Variants in GRM3 observed in about 807,000 individuals in gnomAD.
GRM3 encodes the protein glutamate metabotropic receptor 3.
A neutral mutation model predicts 70.5 loss-of-function variants in GRM3; 26 were observed. The observed-to-expected ratio is 0.37, with a 90% CI of 0.27 to 0.51. The LOEUF (loss-of-function observed/expected upper bound fraction) is 0.51. GRM3 is among the 20% of genes least tolerant of loss of function. The pLI, the probability that GRM3 is intolerant of heterozygous loss-of-function variation, is 0.93. For missense variants in GRM3, 859 were observed against 1,123.8 expected, an observed-to-expected ratio of 0.76 and a Z score of 3.37; for synonymous variants, 443 against 434.9, an observed-to-expected ratio of 1.02 and a Z score of -0.23.
intron 3 of GRM3, among the ~76,000 whole-genome samples, chr7:86,812,205 A>G (rs1322810316): frequency 2.0e-5 from 3 of 151,832 alleles, no homozygotes; most frequent in Non-Finnish European, 4.4e-5. Flanking sequence ...GAAAATACAT[A>G]TGACTATCAG....
At chr7:86,778,484 G>A (rs189470537) in intron 2 of GRM3, among the ~76,000 whole-genome samples, 24 of 152,220 alleles carry the variant, frequency 1.6e-4, no homozygotes, top group Admixed American at 7.2e-4. Flanking sequence ...AGCATAGAAG[G>A]CACAAAGCTC....
intron 3 of GRM3, among the ~76,000 whole-genome samples, chr7:86,828,579 G>T (rs1286648500): frequency 6.6e-6 from 1 of 152,148 alleles, no homozygotes; most frequent in Non-Finnish European, 1.5e-5. Flanking sequence ...TAAAAACAAT[G>T]TATATACCTT....
At chr7:86,742,462 GAC>G (rs564615373) in intron 1 of GRM3, among the ~76,000 whole-genome samples, 12 of 152,234 alleles carry the variant, frequency 7.9e-5, no homozygotes, top group Admixed American at 7.9e-4. Context: ...TTCTCTTGAA[GAC>G]AGAGTGAAAA....
chr7:86,709,373 C>G (rs1187955884), intron 1 of GRM3, among the ~76,000 whole-genome samples: 1 of 152,102 alleles, frequency 6.6e-6, no homozygotes, highest in African/African-American at 2.4e-5. Flanking sequence ...CCTCAGCCAG[C>G]TAATCACTCA....
chr7:86,687,762 C>T (rs1191968960), intron 1 of GRM3, among the ~76,000 whole-genome samples: 4 of 151,574 alleles, frequency 2.6e-5, no homozygotes, highest in African/African-American at 4.8e-5. Flanking sequence ...ACAGAATTTA[C>T]AACATGTAGA....
rs1172627747 is a variant in GRM3 at position 86,786,611 on chromosome 7, C to T, written c.819C>T (p.Val273=). The part of the protein sequence containing the change: ...LLQKPNARVV[V]LFMRSDDSRE... ...AGAAGCCCAACGCGCGCGTCGTGGT[C>T]CTCTTCATGCGCAGCGACGACTCGC... The change falls in exon 3 of 6, where the codon GTC becomes GTT. Residue 273 remains valine, a synonymous_variant. Coordinates refer to ENST00000361669, the MANE Select transcript of GRM3 (RefSeq NM_000840.3). This position sits in a 1 kb window ranked among gnomAD's most constrained non-coding sequence, Gnocchi z 6.0. 5 of 1,613,216 alleles carry T rather than the reference C, an allele frequency of 3.1e-6. No individual in the cohort carries two copies. In the African/African-American group the frequency reaches 6.7e-5, roughly 22 times the overall value.
chr7:86,732,547 A>G (rs893269310), intron 1 of GRM3, among the ~76,000 whole-genome samples: 4 of 152,232 alleles, frequency 2.6e-5, no homozygotes, highest in Non-Finnish European at 5.9e-5. Context: ...CAAAAACAAT[A>G]ATAACAGCTA....
chr7:86,779,821 T>G (rs1796997330), intron 2 of GRM3, among the ~76,000 whole-genome samples: 1 of 151,178 alleles, frequency 6.6e-6, no homozygotes, highest in Non-Finnish European at 1.5e-5. Flanking sequence ...CTCCATAAAG[T>G]TGAGTTTATT....
chr7:86,721,848 C>G (rs1222117880), intron 1 of GRM3, among the ~76,000 whole-genome samples: 1 of 152,048 alleles, frequency 6.6e-6, no homozygotes, highest in Non-Finnish European at 1.5e-5. Flanking sequence ...GTGGCAAATG[C>G]CACAAACTGT....
chr7:86,779,539 T>C (rs1035537323), intron 2 of GRM3, among the ~76,000 whole-genome samples: 17 of 152,336 alleles, frequency 1.1e-4, no homozygotes, highest in African/African-American at 4.1e-4. Context: ...ACCTCTATAC[T>C]CTGTGAGGCA....
chr7:86,696,705 T>C (rs1448745850), intron 1 of GRM3, among the ~76,000 whole-genome samples: 1 of 151,870 alleles, frequency 6.6e-6, no homozygotes, highest in African/African-American at 2.4e-5. Context: ...GTGGTGGTGG[T>C]GGTGGTGGTG....
intron 2 of GRM3, among the ~76,000 whole-genome samples, chr7:86,776,347 C>T (rs1796891289): frequency 6.6e-6 from 1 of 152,152 alleles, no homozygotes; most frequent in Admixed American, 6.6e-5. Context: ...GATTCCAACC[C>T]TGTGCACTGT....
intron 1 of GRM3, among the ~76,000 whole-genome samples, chr7:86,713,573 C>T (rs188979616): frequency 1.8e-3 from 272 of 152,058 alleles, no homozygotes; most frequent in African/African-American, 6.1e-3. Context: ...CCCTACCCCC[C>T]GTCAAACCTC....
At chr7:86,694,062 A>G (rs933194912) in intron 1 of GRM3, among the ~76,000 whole-genome samples, 4 of 152,196 alleles carry the variant, frequency 2.6e-5, no homozygotes, top group Non-Finnish European at 5.9e-5. Context: ...AGACAACTGA[A>G]TGTTAACTCA....
Position 86,843,005 on chromosome 7 carries a change from T to C in GRM3, c.2391+3100T>C, listed in dbSNP as rs1224369461. ...GAAAGAACCAACCAGAAGGAAGCCA[T>C]ATCAGTCTTACTCAGTTGGAAAATG... On this transcript the variant is annotated intron_variant, in intron 4 of 5. Coordinates refer to ENST00000361669, the MANE Select transcript of GRM3 (RefSeq NM_000840.3). Among the ~76,000 whole-genome samples the C allele has an allele frequency of 2.0e-5, 3 of 152,060 alleles. 1 individual carries two copies. The highest frequency in any genetic ancestry group is 7.2e-5 in the African/African-American group (3 of 41,398).
intron 1 of GRM3, among the ~76,000 whole-genome samples, chr7:86,757,028 T>G (rs889615315): frequency 1.3e-5 from 2 of 152,156 alleles, no homozygotes; most frequent in African/African-American, 4.8e-5. Context: ...AATCTCCATA[T>G]AGTATTTTTA....
intron 2 of GRM3, among the ~76,000 whole-genome samples, chr7:86,773,098 C>A (rs1327641256): frequency 6.6e-6 from 1 of 151,954 alleles, no homozygotes; most frequent in African/African-American, 2.4e-5. Context: ...TCCTGGCACC[C>A]AGATAATGAA....
chr7:86,777,054 C>T (rs1367319673), intron 2 of GRM3, among the ~76,000 whole-genome samples: 1 of 152,084 alleles, frequency 6.6e-6, no homozygotes, highest in African/African-American at 2.4e-5. Flanking sequence ...AAAGTTATTC[C>T]TGAGATAGTT....
At chr7:86,829,425 TAA>T (rs1250885749) in intron 3 of GRM3, among the ~76,000 whole-genome samples, 1 of 152,240 alleles carries the variant, frequency 6.6e-6, no homozygotes, top group Non-Finnish European at 1.5e-5. Flanking sequence ...ACAACTTGCT[TAA>T]CTGGTGCAAG....
Sources: allele counts gnomAD v4.1 joint callset (sites outside exome capture counted in the v4.1 genomes callset), GRCh38; gene constraint gnomAD v4.1.1; non-coding constraint Gnocchi (gnomAD v3.1); transcripts MANE v1.5; gene names NCBI Gene and HGNC (gene_info 2026-07-23, HGNC 2026-07-21).